The following BANK1 variants were observed in gnomAD, a reference collection of about 807,000 sequenced individuals.
BANK1 encodes B-cell scaffold protein with ankyrin repeats.
Under a neutral mutation model 94.5 loss-of-function variants are expected in BANK1, and 95 were observed. The ratio of observed to expected loss-of-function variants is 1.00; its 90% CI spans 0.85 to 1.19. BANK1 has a LOEUF of 1.19. Among genes scored for constraint, BANK1 ranks in the 50% most tolerant of loss-of-function variants. BANK1 has a pLI of 0.00. For synonymous variants in BANK1, 334 were observed against 308.4 expected, an observed-to-expected ratio of 1.08 and a Z score of -0.87; for missense variants, 987 against 932.2, an observed-to-expected ratio of 1.06 and a Z score of -0.77.
chr4:101,906,348 G>A (rs1424562068), intron 6 of BANK1, among the ~76,000 whole-genome samples: 5 of 152,056 alleles, frequency 3.3e-5, no homozygotes, highest in Non-Finnish European at 1.5e-5. Context: ...TTGATCGGGG[G>A]GTATATTCTA....
chr4:101,825,623 C>A (rs4276281), intron 1 of BANK1, among the ~76,000 whole-genome samples: 73,490 of 151,764 alleles, frequency 0.48, 19,377 homozygotes, highest in African/African-American at 0.7. Flanking sequence ...GACCAACTTC[C>A]TGCAGTTTGG....
intron 7 of BANK1, among the ~76,000 whole-genome samples, chr4:102,001,456 T>A (rs974347187): frequency 6.6e-6 from 1 of 152,060 alleles, no homozygotes; most frequent in Non-Finnish European, 1.5e-5. Context: ...AAAAATTAGC[T>A]GGGCATGGTG....
rs537826339 is a variant in BANK1 at position 101,843,076 on chromosome 4, G to T, written c.470-11959G>T. ...AAGTAAATGATTTTCTGAATTTTCTGTTGGAAACATTTTCTTTTTCATACA... is the reference window on the plus strand; with the variant it reads ...AAGTAAATGATTTTCTGAATTTTCTTTTGGAAACATTTTCTTTTTCATACA... On this transcript the variant is annotated intron_variant, in intron 2 of 16. Transcript: ENST00000322953. Among the ~76,000 whole-genome samples, 387 of 152,162 alleles carry T rather than the reference G, an allele frequency of 2.5e-3. 1 individual carries two copies. Among genetic ancestry groups the T allele is most frequent in the African/African-American group, 8.9e-3 (368 of 41,544 alleles).
rs750800188 is a variant in BANK1, at chr4:102,002,554, C to CAT, written c.1207-18959_1207-18958insTA. 5.2e-3 allele frequency among the ~76,000 whole-genome samples: 772 copies of CAT among 147,916 alleles called. 12 individuals are homozygous for CAT. The highest frequency in any genetic ancestry group is 0.017 in the African/African-American group (693 of 40,412). Reference sequence around the variant, plus strand: ...CAATATTAATACAAATACACACACACACACACACACACACACACACACACA... The same window carrying CAT: ...CAATATTAATACAAATACACACACACATACACACACACACACACACACACACA... On this transcript the variant is annotated intron_variant, in intron 7 of 16. Coordinates refer to ENST00000322953, the MANE Select transcript of BANK1 (RefSeq NM_017935.5).
chr4:101,835,087 A>G (rs1308210150), intron 2 of BANK1, among the ~76,000 whole-genome samples: 1 of 152,130 alleles, frequency 6.6e-6, no homozygotes, highest in African/African-American at 2.4e-5. Flanking sequence ...AATCGTTTGT[A>G]TGACATTCCT....
chr4:101,902,924 A>G (rs1372330188), intron 6 of BANK1, among the ~76,000 whole-genome samples: 1 of 152,220 alleles, frequency 6.6e-6, no homozygotes, highest in African/African-American at 2.4e-5. Flanking sequence ...CAGTTGGGTA[A>G]ATAAAGTCAT....
intron 7 of BANK1, among the ~76,000 whole-genome samples, chr4:101,957,846 T>G (rs1221253897): frequency 7.0e-6 from 1 of 141,930 alleles, no homozygotes; most frequent in Admixed American, 7.1e-5. Flanking sequence ...GTTTTTTGCT[T>G]TTTTTTTTTT....
intron 10 of BANK1, among the ~76,000 whole-genome samples, chr4:102,031,910 T>C (rs1727330208): frequency 1.3e-5 from 2 of 152,102 alleles, no homozygotes; most frequent in Non-Finnish European, 2.9e-5. Context: ...TATTTAATGA[T>C]GATCTTCTCT....
At chr4:102,002,077 G>C (rs1159223995) in intron 7 of BANK1, among the ~76,000 whole-genome samples, 1 of 152,228 alleles carries the variant, frequency 6.6e-6, no homozygotes, top group East Asian at 1.9e-4. Context: ...TATAAACATA[G>C]AACTGGCAGT....
chr4:101,807,691 G>A (rs924990003), intron 1 of BANK1, among the ~76,000 whole-genome samples: 4 of 152,064 alleles, frequency 2.6e-5, no homozygotes, highest in Admixed American at 1.3e-4. Context: ...GATTCCATAG[G>A]TGGTGTTATC....
intron 10 of BANK1, among the ~76,000 whole-genome samples, chr4:102,031,884 C>G (rs1727329068): frequency 6.6e-6 from 1 of 152,160 alleles, no homozygotes; most frequent in Non-Finnish European, 1.5e-5. Context: ...AAGTATTTAT[C>G]AGTATAAAAT....
intron 7 of BANK1, among the ~76,000 whole-genome samples, chr4:101,926,032 A>G (rs1723141077): frequency 6.6e-6 from 1 of 151,726 alleles, no homozygotes; most frequent in South Asian, 2.1e-4. Flanking sequence ...TTGGAAAAAT[A>G]TTGTTCCTGG....
chr4:102,058,262 T>G (rs1294021707), intron 11 of BANK1, among the ~76,000 whole-genome samples: 2 of 152,118 alleles, frequency 1.3e-5, no homozygotes, highest in African/African-American at 4.8e-5. Context: ...TTGGTTGATG[T>G]TTATATGACC....
chr4:101,968,885 G>A (rs1724853511), intron 7 of BANK1, among the ~76,000 whole-genome samples: 2 of 152,196 alleles, frequency 1.3e-5, no homozygotes, highest in South Asian at 4.1e-4. Flanking sequence ...AACATGATGT[G>A]ATGCTAAAAT....
chr4:102,050,694 A>C (rs951352760), intron 11 of BANK1, among the ~76,000 whole-genome samples: 4 of 152,198 alleles, frequency 2.6e-5, no homozygotes, highest in African/African-American at 9.7e-5. Context: ...GCAACAAATG[A>C]CTATTACCAT....
intron 13 of BANK1, among the ~76,000 whole-genome samples, chr4:102,069,079 A>AATT (rs1728678868): frequency 6.6e-6 from 1 of 152,194 alleles, no homozygotes; most frequent in Non-Finnish European, 1.5e-5. Context: ...AAGCAAAAAA[A>AATT]ATGTATTATG....
chr4:101,969,177 A>G (rs1344229027), intron 7 of BANK1, among the ~76,000 whole-genome samples: 1 of 152,114 alleles, frequency 6.6e-6, no homozygotes, highest in Non-Finnish European at 1.5e-5. Context: ...GGGTCAGACC[A>G]GAGTCCTGAA....
intron 13 of BANK1, among the ~76,000 whole-genome samples, chr4:102,063,527 T>C (rs1728492702): frequency 6.6e-6 from 1 of 151,866 alleles, no homozygotes; most frequent in Non-Finnish European, 1.5e-5. Context: ...AATGATCCAT[T>C]ATATAAGAAA....
At chr4:102,051,807 C>G (rs1466859957) in intron 11 of BANK1, among the ~76,000 whole-genome samples, 1 of 152,034 alleles carries the variant, frequency 6.6e-6, no homozygotes, top group Non-Finnish European at 1.5e-5. Context: ...GAGGGTAATG[C>G]TACACTTGGC....
Sources: allele counts gnomAD v4.1 joint callset (sites outside exome capture counted in the v4.1 genomes callset), GRCh38; gene constraint gnomAD v4.1.1; transcripts MANE v1.5; gene names NCBI Gene and HGNC (gene_info 2026-07-23, HGNC 2026-07-21).